The following MBD5 variants were observed in gnomAD, a reference collection of about 807,000 sequenced individuals.
The protein encoded by MBD5 is methyl-CpG-binding domain protein 5.
In MBD5, 13 loss-of-function variants were observed where a neutral mutation model predicts 117.3. The ratio of observed to expected loss-of-function variants is 0.11; its 90% CI spans 0.07 to 0.18. The LOEUF is 0.18. Ranked by LOEUF, MBD5 falls within the 10% of genes least tolerant of loss-of-function variation. The pLI is 1.00. For synonymous variants in MBD5, 727 were observed against 766.4 expected (o/e 0.95, Z 0.85); for missense variants, 1,879 against 2,093.8 (o/e 0.90, Z 2.00).
intron 4 of MBD5, among the ~76,000 whole-genome samples, chr2:148,394,409 A>T (rs1295899575): frequency 6.6e-6 from 1 of 151,684 alleles, no homozygotes; most frequent in African/African-American, 2.4e-5. Context: ...TTGATATCCT[A>T]TATTTTTCTG....
At chr2:148,174,227 T>G (rs953110634) in intron 1 of MBD5, among the ~76,000 whole-genome samples, 7 of 152,202 alleles carry the variant, frequency 4.6e-5, no homozygotes, top group Non-Finnish European at 1.0e-4. Context: ...TAATAAATGA[T>G]GTTGGGGAAA....
intron 1 of MBD5, among the ~76,000 whole-genome samples, chr2:148,115,387 T>A (rs988987346): frequency 5.9e-5 from 9 of 152,178 alleles, no homozygotes; most frequent in African/African-American, 1.9e-4. Flanking sequence ...TTCGACAAGC[T>A]AATTAACCTC....
At chr2:148,491,172 CAT>C (rs1681513597) in intron 11 of MBD5, among the ~76,000 whole-genome samples, 1 of 151,198 alleles carries the variant, frequency 6.6e-6, no homozygotes, top group African/African-American at 2.5e-5. Context: ...GCCTTTAAAA[CAT>C]ATGGAAATGT....
chr2:148,431,398 A>G (rs1705978798), intron 4 of MBD5, among the ~76,000 whole-genome samples: 1 of 152,030 alleles, frequency 6.6e-6, no homozygotes, highest in Non-Finnish European at 1.5e-5. Flanking sequence ...GGCCTTTAAC[A>G]TTTGTTTTAG....
At chr2:148,235,690 C>G (rs1186545534) in intron 3 of MBD5, among the ~76,000 whole-genome samples, 1 of 151,910 alleles carries the variant, frequency 6.6e-6, no homozygotes, top group Non-Finnish European at 1.5e-5. Context: ...AGTGCATATA[C>G]AAGGTATCTT....
At chr2:148,344,113 T>G (rs540511954) in intron 4 of MBD5, among the ~76,000 whole-genome samples, 1 of 152,004 alleles carries the variant, frequency 6.6e-6, no homozygotes, top group Admixed American at 6.6e-5. Context: ...TGTCAAAGAT[T>G]AGATGGCTGT....
intron 4 of MBD5, among the ~76,000 whole-genome samples, chr2:148,352,056 G>A (rs537982981): frequency 6.6e-6 from 1 of 152,112 alleles, no homozygotes; most frequent in African/African-American, 2.4e-5. Flanking sequence ...AAACCCTAAT[G>A]AGTGGGACCT....
At position 148,455,153 on chromosome 2, in the gene MBD5, G is replaced by A. The variant is rs78911895; in HGVS notation, c.-556-3050G>A. 1.6e-3 allele frequency among the ~76,000 whole-genome samples: 246 copies of A among 152,058 alleles called. 1 individual carries two copies. The East Asian group carries it at 0.041, about 26-fold the overall frequency. On this transcript the variant is annotated intron_variant, in intron 4 of 13. Transcript: ENST00000642680. The stretch of plus-strand genomic sequence containing the variant: ...TTTCCAAATTCACAAGATGAGTGTT[G>A]CGAAAAAAATTGCCACTTAACAGAT...
chr2:148,286,531 A>G (rs1411739603), intron 3 of MBD5, among the ~76,000 whole-genome samples: 1 of 152,238 alleles, frequency 6.6e-6, no homozygotes, highest in Non-Finnish European at 1.5e-5. Context: ...ATTAAAATCT[A>G]TCATTTTATA....
At chr2:148,157,915 T>C (rs771663366) in intron 1 of MBD5, among the ~76,000 whole-genome samples, 20 of 152,196 alleles carry the variant, frequency 1.3e-4, no homozygotes, top group Non-Finnish European at 2.8e-4. Flanking sequence ...CTCAAAAATA[T>C]TCATCACGAT....
chr2:148,127,880 A>G (rs960988807), intron 1 of MBD5, among the ~76,000 whole-genome samples: 8 of 152,152 alleles, frequency 5.3e-5, no homozygotes, highest in African/African-American at 1.7e-4. Context: ...TTTCTGCACA[A>G]TCTCACTGGC....
intron 2 of MBD5, among the ~76,000 whole-genome samples, chr2:148,181,137 T>A (rs1484799176): frequency 6.6e-6 from 1 of 152,234 alleles, no homozygotes; most frequent in Non-Finnish European, 1.5e-5. Flanking sequence ...TCGTGCTGTG[T>A]ATCTCATTGT....
At chr2:148,424,930 C>T (rs547024446) in intron 4 of MBD5, among the ~76,000 whole-genome samples, 55 of 151,994 alleles carry the variant, frequency 3.6e-4, no homozygotes, top group African/African-American at 7.2e-4. Flanking sequence ...CAAGAGAAAG[C>T]GGGAAAGATC....
intron 4 of MBD5, among the ~76,000 whole-genome samples, chr2:148,393,731 G>A (rs1007930451): frequency 5.3e-5 from 8 of 152,086 alleles, no homozygotes; most frequent in African/African-American, 1.9e-4. Context: ...TTGAATTTGA[G>A]TTTCTAGTTT....
intron 1 of MBD5, among the ~76,000 whole-genome samples, chr2:148,125,492 T>C (rs1574040701): frequency 6.6e-6 from 1 of 152,234 alleles, no homozygotes; most frequent in Non-Finnish European, 1.5e-5. Flanking sequence ...TAGTTGACTT[T>C]CTAAAAGATA....
intron 1 of MBD5, among the ~76,000 whole-genome samples, chr2:148,056,434 C>T (rs1374445290): frequency 6.6e-6 from 1 of 151,834 alleles, no homozygotes; most frequent in Non-Finnish European, 1.5e-5. Flanking sequence ...CCAGGTGTTA[C>T]CTTTAATTAT....
At chr2:148,215,688 ATTTTTTT>A (rs66589231) in intron 2 of MBD5, among the ~76,000 whole-genome samples, 2 of 132,028 alleles carry the variant, frequency 1.5e-5, no homozygotes, top group Non-Finnish European at 3.2e-5. Flanking sequence ...TGCCCGGCTA[ATTTTTTT>A]TTTTTTTTTT....
intron 4 of MBD5, among the ~76,000 whole-genome samples, chr2:148,451,328 T>C (rs995642682): frequency 6.6e-6 from 1 of 152,094 alleles, no homozygotes; most frequent in African/African-American, 2.4e-5. Flanking sequence ...ATGGGGCTAG[T>C]GTATTGCACA....
chr2:148,024,221 T>C (rs1165949767), intron 1 of MBD5, among the ~76,000 whole-genome samples: 1 of 152,224 alleles, frequency 6.6e-6, no homozygotes, highest in Non-Finnish European at 1.5e-5. Flanking sequence ...ATTTAGTAAT[T>C]TGTTAATTTT....
Sources: allele counts gnomAD v4.1 joint callset (sites outside exome capture counted in the v4.1 genomes callset), GRCh38; gene constraint gnomAD v4.1.1; transcripts MANE v1.5; gene names NCBI Gene and HGNC (gene_info 2026-07-23, HGNC 2026-07-21).